Variants in RNF6 observed in about 807,000 individuals in gnomAD.
RNF6 encodes the protein ring finger protein 6, also known as E3 ubiquitin-protein ligase RNF6.
In RNF6, 21 loss-of-function variants were observed where a neutral mutation model predicts 50.1. The observed-to-expected ratio is 0.42, with a 90% CI of 0.30 to 0.60. The LOEUF (loss-of-function observed/expected upper bound fraction) is 0.60, where lower values mean the gene tolerates loss of function less well. Ranked by LOEUF, RNF6 falls within the 20% of genes least tolerant of loss-of-function variation. The pLI, the probability that RNF6 is intolerant of heterozygous loss-of-function variation, is 0.20. For missense variants in RNF6, 698 were observed against 838.2 expected (o/e 0.83, Z 2.07); for synonymous variants, 255 against 291.8 (o/e 0.87, Z 1.29).
chr13:26,160,874 G>A (rs182216460), intron 5 of RNF6, among the ~76,000 whole-genome samples: 1 of 152,128 alleles, frequency 6.6e-6, no homozygotes, highest in East Asian at 1.9e-4. Context: ...CATGCTCCTG[G>A]TGTCTCTCTG....
intron 5 of RNF6, among the ~76,000 whole-genome samples, chr13:26,200,939 T>G (rs1483523428): frequency 6.6e-6 from 1 of 152,126 alleles, no homozygotes; most frequent in African/African-American, 2.4e-5. Context: ...TTTCAAAAAA[T>G]TAAAAATAGA....
chr13:26,191,362 T>C (rs1182426938), intron 5 of RNF6, among the ~76,000 whole-genome samples: 1 of 152,170 alleles, frequency 6.6e-6, no homozygotes, highest in Non-Finnish European at 1.5e-5. Context: ...CACAAAAATC[T>C]CCTTTCTTGT....
upstream of RNF6, among the ~76,000 whole-genome samples, chr13:26,222,842 C>T (rs770497557): frequency 2.6e-5 from 4 of 152,124 alleles, no homozygotes; most frequent in Non-Finnish European, 5.9e-5. Flanking sequence ...AGGCTGGTTT[C>T]GTACTCGGCC....
chr13:26,168,350 G>T (rs1872541725), intron 5 of RNF6, among the ~76,000 whole-genome samples: 1 of 152,194 alleles, frequency 6.6e-6, no homozygotes. Context: ...CCTTCTGCGT[G>T]AGATAAAAAC....
chr13:26,184,618 T>A (rs1425758348), intron 5 of RNF6, among the ~76,000 whole-genome samples: 3 of 152,158 alleles, frequency 2.0e-5, no homozygotes, highest in African/African-American at 4.8e-5. Flanking sequence ...GTATTGGCCA[T>A]GATGTTACAG....
chr13:26,199,982 A>G (rs928474150), intron 5 of RNF6, among the ~76,000 whole-genome samples: 6 of 152,128 alleles, frequency 3.9e-5, no homozygotes, highest in African/African-American at 7.2e-5. Flanking sequence ...CACCCCTTCC[A>G]CCCTGTGGAA....
In RNF6 at chr13:26,202,734, A is replaced by C. The variant is rs115473129; in HGVS notation, n.768+12740T>G. Among the ~76,000 whole-genome samples the C allele has an allele frequency of 3.1e-3, 472 of 152,400 alleles. 5 individuals carry two copies. Among genetic ancestry groups the C allele is most frequent in the African/African-American group, 0.011 (450 of 41,606 alleles). ...CAGAGGGTCAATGATCAAGAATAAA[A>C]ATAGTATGGTACATTTAGAAAGGAA... On this transcript the variant is annotated intron_variant and non_coding_transcript_variant, in intron 5 of 5. Coordinates refer to the RNF6 transcript ENST00000468480.
At chr13:26,205,799 A>C (rs1467600853) in intron 5 of RNF6, among the ~76,000 whole-genome samples, 1 of 152,208 alleles carries the variant, frequency 6.6e-6, no homozygotes, top group African/African-American at 2.4e-5. Flanking sequence ...GGATCGCTTG[A>C]GTCCAGGAGT....
chr13:26,147,543 C>T (rs1593147000), intron 5 of RNF6, among the ~76,000 whole-genome samples: 1 of 152,164 alleles, frequency 6.6e-6, no homozygotes, highest in Non-Finnish European at 1.5e-5. Context: ...GGTAGACAGG[C>T]TGCTTTCACT....
At chr13:26,159,951 T>C (rs1463032323) in intron 5 of RNF6, among the ~76,000 whole-genome samples, 3 of 152,198 alleles carry the variant, frequency 2.0e-5, no homozygotes, top group African/African-American at 7.2e-5. Context: ...CAATTCCTTA[T>C]ATTTTTAGAT....
At chr13:26,140,738 AG>A (rs1870894920) in intron 5 of RNF6, among the ~76,000 whole-genome samples, 1 of 152,208 alleles carries the variant, frequency 6.6e-6, no homozygotes, top group Admixed American at 6.5e-5. Context: ...AAAACCCTAA[AG>A]ACTAACAAAA....
chr13:26,140,062 C>A (rs1023782535), intron 5 of RNF6, among the ~76,000 whole-genome samples: 1 of 152,160 alleles, frequency 6.6e-6, no homozygotes, highest in Non-Finnish European at 1.5e-5. Flanking sequence ...AATATGTCTA[C>A]AAACTTGCTA....
chr13:26,185,669 C>T (rs1873482868), intron 5 of RNF6, among the ~76,000 whole-genome samples: 1 of 152,116 alleles, frequency 6.6e-6, no homozygotes, highest in Non-Finnish European at 1.5e-5. Flanking sequence ...TCGCTTGAAC[C>T]CGGGAGGCGG....
chr13:26,183,646 A>G (rs991829176), intron 5 of RNF6, among the ~76,000 whole-genome samples: 45 of 152,130 alleles, frequency 3.0e-4, no homozygotes, highest in Admixed American at 3.3e-4. Flanking sequence ...CTGAGAAGGT[A>G]AAATGGAATG....
At position 26,172,184 on chromosome 13, in the gene RNF6, C is replaced by T. The variant is rs141259432; in HGVS notation, n.769-39733G>A. On this transcript the variant is annotated intron_variant and non_coding_transcript_variant, in intron 5 of 5. Transcript: ENST00000468480. Reference sequence around the variant, plus strand: ...AAAGTGAGCATATATAATCTACATACGCAGCCTGGTAAGTGATGAATGCCA... The same window carrying T: ...AAAGTGAGCATATATAATCTACATATGCAGCCTGGTAAGTGATGAATGCCA... Among the ~76,000 whole-genome samples, 25 of 152,240 alleles carry T rather than the reference C, an allele frequency of 1.6e-4. No individual in the cohort carries two copies. In the South Asian group the frequency reaches 3.9e-3, roughly 24 times the overall value.
intron 2 of RNF6, among the ~76,000 whole-genome samples, chr13:26,220,051 T>C (rs374700294): frequency 6.6e-6 from 1 of 152,254 alleles, no homozygotes; most frequent in Admixed American, 6.5e-5. Context: ...GCTTGAATTA[T>C]GCACATTCTT....
In RNF6 at chr13:26,215,123, A is replaced by C. The variant is rs769764366; in HGVS notation, c.759T>G (p.Thr253=). Residue 253 remains threonine (T), a synonymous_variant, in exon 5 of 5, where the codon ACT becomes ACG. Transcript: ENST00000381588. ...AGIPRANASR[T]NFSSHTNQSG... is the part of the protein sequence containing the mutation. ...ATTGGTTTGTGTGACTACTGAAATT[A>C]GTGCGTGAAGCGTTAGCTCGAGGAA... 2 of 1,614,202 alleles carry C rather than the reference A, an allele frequency of 1.2e-6. No homozygotes were observed. The highest frequency in any genetic ancestry group is 3.3e-5 in the Admixed American group (2 of 60,020).
At chr13:26,160,460 G>A (rs1872141352) in intron 5 of RNF6, among the ~76,000 whole-genome samples, 1 of 151,790 alleles carries the variant, frequency 6.6e-6, no homozygotes, top group African/African-American at 2.4e-5. Flanking sequence ...CTGGGCTCAA[G>A]TGATTCTCCC....
chr13:26,171,269 A>G (rs1373560975), intron 5 of RNF6, among the ~76,000 whole-genome samples: 5 of 152,222 alleles, frequency 3.3e-5, no homozygotes, highest in Non-Finnish European at 5.9e-5. Context: ...ATACAAATAA[A>G]TGGTCAATGA....
Sources: gnomAD v4.1 joint callset for allele counts (sites outside exome capture counted in the v4.1 genomes callset) on GRCh38, gnomAD v4.1.1 for gene constraint, MANE v1.5 for transcripts, NCBI Gene and HGNC (gene_info 2026-07-23, HGNC 2026-07-21) for gene names.